TMTC3: variants seen among roughly 807,000 people sequenced by gnomAD.
TMTC3 encodes protein O-mannosyl-transferase TMTC3.
Under a neutral mutation model 92.2 loss-of-function variants are expected in TMTC3, and 52 were observed. The ratio of observed to expected loss-of-function variants is 0.56; its 90% CI spans 0.45 to 0.71. The LOEUF (loss-of-function observed/expected upper bound fraction) is 0.71, where lower values mean the gene tolerates loss of function less well. Among genes scored for constraint, TMTC3 ranks in the 30% least tolerant of loss-of-function variants. TMTC3 has a pLI of 0.00. For synonymous variants in TMTC3, 339 were observed against 363.3 expected (o/e 0.93, Z 0.76); for missense variants, 896 against 1,057.1 (o/e 0.85, Z 2.11).
chr12:88,166,940 T>A (rs1215324781), intron 7 of TMTC3, among the ~76,000 whole-genome samples: 1 of 151,874 alleles, frequency 6.6e-6, no homozygotes, highest in East Asian at 1.9e-4. Context: ...TGGTTTTTAT[T>A]ACTCCCTTAG....
chr12:88,183,930 T>C (rs2041346672), intron 10 of TMTC3, among the ~76,000 whole-genome samples: 1 of 152,040 alleles, frequency 6.6e-6, no homozygotes, highest in African/African-American at 2.4e-5. Context: ...CCCTCGAACT[T>C]GGAAATCCCA....
intron 10 of TMTC3, among the ~76,000 whole-genome samples, chr12:88,177,370 A>G (rs942859831): frequency 7.2e-5 from 11 of 152,064 alleles, no homozygotes; most frequent in Non-Finnish European, 1.5e-4. Context: ...GCAACTTTTT[A>G]GCTATAATAG....
At chr12:88,183,070 G>T (rs1431509891) in intron 10 of TMTC3, among the ~76,000 whole-genome samples, 1 of 152,140 alleles carries the variant, frequency 6.6e-6, no homozygotes, top group South Asian at 2.1e-4. Flanking sequence ...GAAAATGGGC[G>T]AATTCCAAGG....
In TMTC3 at chr12:88,194,827, A is replaced by C; in HGVS notation, c.1934-11A>C. The C allele has an allele frequency of 6.7e-7, 1 of 1,492,576 alleles. No individual in the cohort carries two copies. The highest frequency in any genetic ancestry group is 8.9e-7 in the Non-Finnish European group (1 of 1,122,320). The allele number at this position is 1,492,576 out of a possible 1,614,324, so 92.5% of individuals were successfully genotyped here. On this transcript the variant is annotated splice_polypyrimidine_tract_variant and intron_variant, in intron 13 of 13. Transcript: ENST00000266712. Reference sequence around the variant, plus strand: ...TTAACAATATATTTTTTCTTTAAAAAAACTTTCTAGGTGAGGTTAAACTCA... The same window carrying C: ...TTAACAATATATTTTTTCTTTAAAACAACTTTCTAGGTGAGGTTAAACTCA...
intron 9 of TMTC3, 95 bp from the exon 10 acceptor site, chr12:88,176,113 C>T: frequency 1.2e-6 from 1 of 810,294 alleles, no homozygotes; most frequent in Non-Finnish European, 1.9e-6. Flanking sequence ...TTCCATAGAA[C>T]ATTATTTTCT....
chr12:88,178,382 C>T (rs139626936), intron 10 of TMTC3, among the ~76,000 whole-genome samples: 96 of 152,210 alleles, frequency 6.3e-4, no homozygotes, highest in Non-Finnish European at 9.4e-4. Context: ...ACTAGAATTT[C>T]TCCCTTCTCC....
At position 88,199,147 on chromosome 12, in the gene TMTC3, T is replaced by G. The variant is rs2041552264; in HGVS notation, c.*3498T>G. On this transcript the variant is annotated 3_prime_UTR_variant, in exon 14 of 14. Coordinates refer to ENST00000266712, the MANE Select transcript of TMTC3 (RefSeq NM_181783.4). ...ATCTGAGAAAGACATTAAATAAGTT[T>G]CTGAGAGTGATACATTTTCAAACAT... The G allele has an allele frequency of 6.6e-6, 1 of 152,072 alleles. No individual in the cohort carries two copies. The highest frequency in any genetic ancestry group is 1.9e-4 in the East Asian group (1 of 5,170). The allele number at this position is 152,072 out of a possible 1,614,324, so 9.4% of individuals were successfully genotyped here. A position where few individuals can be genotyped will look rare whatever the true frequency, so the allele number is the denominator to read the frequency against.
Position 88,198,914 on chromosome 12 carries a change from T to G in TMTC3, c.*3265T>G, listed in dbSNP as rs1003690914. On this transcript the variant is annotated 3_prime_UTR_variant, in exon 14 of 14. Coordinates refer to ENST00000266712, the MANE Select transcript of TMTC3 (RefSeq NM_181783.4). ...TTTATCTGTTGGAAGCCGCCAGCCATTCATGTAGAGAGTTTATAAGAAAAT... is the reference window on the plus strand; with the variant it reads ...TTTATCTGTTGGAAGCCGCCAGCCAGTCATGTAGAGAGTTTATAAGAAAAT... 1 of 152,234 alleles carries G rather than the reference T, an allele frequency of 6.6e-6. No homozygotes were observed. The highest frequency in any genetic ancestry group is 1.5e-5 in the Non-Finnish European group (1 of 68,066). The allele number at this position is 152,234 out of a possible 1,614,324, so 9.4% of individuals were successfully genotyped here.
chr12:88,193,781 G>A (rs2041470360), intron 13 of TMTC3, among the ~76,000 whole-genome samples: 1 of 152,178 alleles, frequency 6.6e-6, no homozygotes, highest in Non-Finnish European at 1.5e-5. Flanking sequence ...TTGGAGAAAA[G>A]CTAATATTTT....
At chr12:88,192,909 C>T in intron 13 of TMTC3, 79 bp downstream of exon 13, 1 of 1,162,462 alleles carries the variant, frequency 8.6e-7, no homozygotes, top group South Asian at 1.6e-5. Context: ...CTTTATTACC[C>T]ATAGCAAACA....
intron 1 of TMTC3, among the ~76,000 whole-genome samples, chr12:88,144,741 T>A (rs1040584431): frequency 6.6e-6 from 1 of 152,216 alleles, no homozygotes; most frequent in African/African-American, 2.4e-5. Context: ...GATACAGCAG[T>A]GAACAAGTCA....
At chr12:88,183,654 C>A (rs1310619503) in intron 10 of TMTC3, among the ~76,000 whole-genome samples, 1 of 152,050 alleles carries the variant, frequency 6.6e-6, no homozygotes, top group Non-Finnish European at 1.5e-5. Flanking sequence ...TAACTAAGGG[C>A]CATAACATTA....
rs1254196414 is a variant in TMTC3, at chr12:88,160,292, TTTTA to T, written c.624+71_624+74del. 1.0e-4 allele frequency: 86 copies of T among 844,478 alleles called. 1 individual carries two copies. Among genetic ancestry groups the T allele is most frequent in the East Asian group, 1.9e-4 (6 of 31,104 alleles). 52.3% of individuals were successfully genotyped at this position (844,478 alleles called of 1,614,324 possible). A position where few individuals can be genotyped will look rare whatever the true frequency, so the allele number is the denominator to read the frequency against. On this transcript the variant is annotated intron_variant, in intron 5 of 13. Coordinates refer to ENST00000266712, the MANE Select transcript of TMTC3 (RefSeq NM_181783.4). ...TATATTTTATCCTAGTTGAATCAAA[TTTTA>T]TTTATTTTTATTTTCTAAATGTATC...
Position 88,198,202 on chromosome 12 carries a change from A to ATT in TMTC3, c.*2565_*2566dup, listed in dbSNP as rs565399854. 14 of 345,466 alleles carry ATT rather than the reference A, an allele frequency of 4.1e-5. No individual in the cohort carries two copies. The South Asian group carries it at 4.5e-4, about 11-fold the overall frequency. 21.4% of individuals were successfully genotyped at this position (345,466 alleles called of 1,614,324 possible). ...CTGTTCAGGTGAGAAAACATAATGG[A>ATT]TTTTTTTTTTTTTCCTCTGGAGCTG... On this transcript the variant is annotated 3_prime_UTR_variant, in exon 14 of 14. Coordinates refer to ENST00000266712, the MANE Select transcript of TMTC3 (RefSeq NM_181783.4).
At chr12:88,149,791 G>A (rs1372935163) in intron 2 of TMTC3, among the ~76,000 whole-genome samples, 5 of 151,766 alleles carry the variant, frequency 3.3e-5, no homozygotes, top group African/African-American at 4.8e-5. Context: ...GACTTTATTC[G>A]CCTTTTTGTT....
At chr12:88,177,739 AT>A (rs2041275632) in intron 10 of TMTC3, among the ~76,000 whole-genome samples, 1 of 152,208 alleles carries the variant, frequency 6.6e-6, no homozygotes, top group Non-Finnish European at 1.5e-5. Context: ...ACCCCTGCAC[AT>A]TACTAAATAT....
chr12:88,165,319 G>A lies in TMTC3; in HGVS notation c.798-1011G>A, dbSNP rs530042544. On this transcript the variant is annotated intron_variant, in intron 6 of 13. Transcript: ENST00000266712. ...ACTGTAATTTTTAAAACTAAATTCC[G>A]AATAGTGAATTATAGGCAAAAAGAT... is the stretch of plus-strand genomic sequence containing the variant. Among the ~76,000 whole-genome samples, 10 of 151,898 alleles carry A rather than the reference G, an allele frequency of 6.6e-5. No homozygotes were observed. In the South Asian group the frequency reaches 1.2e-3, roughly 19 times the overall value.
At chr12:88,191,598 T>G (rs573123894) in intron 12 of TMTC3, among the ~76,000 whole-genome samples, 6 of 152,198 alleles carry the variant, frequency 3.9e-5, no homozygotes, top group Non-Finnish European at 5.9e-5. Context: ...TAGAAAGATT[T>G]ATACAATGGT....
At chr12:88,173,277 A>G (rs1339219780) in intron 8 of TMTC3, among the ~76,000 whole-genome samples, 1 of 152,026 alleles carries the variant, frequency 6.6e-6, no homozygotes, top group Non-Finnish European at 1.5e-5. Flanking sequence ...CTCATTGTAT[A>G]CTTATGCTGT....
Sources: allele counts gnomAD v4.1 joint callset (sites outside exome capture counted in the v4.1 genomes callset), GRCh38; gene constraint gnomAD v4.1.1; transcripts MANE v1.5; gene names NCBI Gene and HGNC (gene_info 2026-07-23, HGNC 2026-07-21).